CFAP157: variants seen among roughly 807,000 people sequenced by gnomAD.
CFAP157 encodes the protein cilia- and flagella-associated protein 157.
A neutral mutation model predicts 57.8 loss-of-function variants in CFAP157; 43 were observed. The ratio of observed to expected loss-of-function variants is 0.74; its 90% CI spans 0.58 to 0.96. The LOEUF is 0.96. Among genes scored for constraint, CFAP157 ranks in the 40% least tolerant of loss-of-function variants. CFAP157 has a pLI of 0.00. For synonymous variants in CFAP157, 267 were observed against 269.0 expected, an observed-to-expected ratio of 0.99 and a Z score of 0.07; for missense variants, 606 against 655.3, an observed-to-expected ratio of 0.92 and a Z score of 0.82.
intron 6 of CFAP157, 35 bp downstream of exon 6, chr9:127,712,384 A>T: frequency 6.2e-7 from 1 of 1,609,110 alleles, no homozygotes; most frequent in Non-Finnish European, 8.5e-7. Context: ...GCGCAAGGGG[A>T]GGGGGAGTGA....
Position 127,711,303 on chromosome 9 carries a change from G to T in CFAP157, c.662G>T (p.Trp221Leu), listed in dbSNP as rs763234448. Reference protein sequence around the residue: ...EFHKVTTNRMWETTKRAIKEN... With the variant: ...EFHKVTTNRMLETTKRAIKEN... ...CACAAGGTGACCACGAACCGGATGTGGGAGACAACCAAGCGGGCCATCAAA... is the reference window on the plus strand; with the variant it reads ...CACAAGGTGACCACGAACCGGATGTTGGAGACAACCAAGCGGGCCATCAAA... The change falls in exon 4 of 9, where the codon TGG becomes TTG. Residue 221 changes from tryptophan (W) to leucine (L), a missense_variant. By Grantham distance (61) the Trp-to-Leu change is moderately conservative. Transcript: ENST00000373295. 6.2e-7 allele frequency: 1 copy of T among 1,614,178 alleles called. No homozygotes were observed. The highest frequency in any genetic ancestry group is 1.1e-5 in the South Asian group (1 of 91,088).
Position 127,715,615 on chromosome 9 carries a change from C to A in CFAP157, c.*1710C>A, listed in dbSNP as rs893744917. 6.2e-7 allele frequency: 1 copy of A among 1,612,732 alleles called. No homozygotes were observed. Among genetic ancestry groups the A allele is most frequent in the African/African-American group, 1.3e-5 (1 of 74,942 alleles). ...ATGGCTCTACTCAGCCGCTGTCCGG[C>A]GCCCAAAAAGCCGCCCGGCCTCATG... On this transcript the variant is annotated 3_prime_UTR_variant, in exon 9 of 9. Transcript: ENST00000373295. This position sits in a 1 kb window ranked among gnomAD's most constrained non-coding sequence, Gnocchi z 5.8.
chr9:127,712,607 A>AG (rs1842792142), intron 6 of CFAP157, 102 bp from the exon 7 acceptor site: 2 of 1,597,522 alleles, frequency 1.3e-6, no homozygotes, highest in African/African-American at 1.3e-5. Flanking sequence ...CACCACAGAC[A>AG]GGGAAAACTT....
At chr9:127,711,524 A>G in intron 4 of CFAP157, 28 bp downstream of exon 4, 1 of 1,601,606 alleles carries the variant, frequency 6.2e-7, no homozygotes, top group Non-Finnish European at 8.5e-7. Flanking sequence ...AGCACAGGGC[A>G]TTTGGCATGC....
rs1028334576 is a variant in CFAP157, at chr9:127,711,162, C to A, written c.588-67C>A. The A allele has an allele frequency of 7.0e-6, 11 of 1,561,932 alleles. 1 individual carries two copies. The African/African-American group carries it at 8.1e-5, about 12-fold the overall frequency. On this transcript the variant is annotated intron_variant, in intron 3 of 8. Coordinates refer to ENST00000373295, the MANE Select transcript of CFAP157 (RefSeq NM_001012502.3). The stretch of plus-strand genomic sequence containing the variant: ...AGCCCTAGGTGCTCTGGGAACCTCA[C>A]AAAGGGGTGTGCCCAGGGCTTGTGC...
rs1160881201 is a variant in CFAP157, at chr9:127,711,378, T to G, written c.737T>G (p.Met246Arg). Residue 246 changes from methionine to arginine, a missense_variant, in exon 4 of 9, where the codon ATG (methionine) becomes AGG (arginine). Physicochemically the swap from Met to Arg is moderately conservative, Grantham distance 91. Transcript: ENST00000373295. ...ATGGCCAGGGTCTCCCAGCAAGGCA[T>G]GAAGCTGCTGCAGGAGAATGAGCAG... is the stretch of plus-strand genomic sequence containing the variant. ...LQMARVSQQG[M>R]KLLQENEQLK... The G allele has an allele frequency of 1.9e-6, 3 of 1,614,208 alleles. No individual in the cohort carries two copies. Among genetic ancestry groups the G allele is most frequent in the Admixed American group, 1.7e-5 (1 of 60,034 alleles).
In CFAP157 at chr9:127,707,039, C is replaced by T; in HGVS notation, c.8C>T (p.Pro3Leu). ...CCCTGGTTGCCATCAGCCATGGCTC[C>T]CAAAAAGAGTGTGAGCAAGGCAGGC... Reference protein sequence around the residue: MAPKKSVSKAGKE... With the variant: MALKKSVSKAGKE... The change falls in exon 1 of 9, where the codon CCC (proline) becomes CTC (leucine). Residue 3 changes from proline (P) to leucine (L), a missense_variant. Physicochemically the swap from Pro to Leu is moderately conservative, Grantham distance 98. Coordinates refer to ENST00000373295, the MANE Select transcript of CFAP157 (RefSeq NM_001012502.3). 6.2e-7 allele frequency: 1 copy of T among 1,613,740 alleles called. No homozygotes were observed. Among genetic ancestry groups the T allele is most frequent in the Non-Finnish European group, 8.5e-7 (1 of 1,179,924 alleles).
In CFAP157 at chr9:127,715,673, C is replaced by T. The variant is rs1272019551; in HGVS notation, c.*1768C>T. 4 of 1,601,168 alleles carry T rather than the reference C, an allele frequency of 2.5e-6. No homozygotes were observed. The highest frequency in any genetic ancestry group is 3.4e-6 in the Non-Finnish European group (4 of 1,176,352). On this transcript the variant is annotated 3_prime_UTR_variant, in exon 9 of 9. Coordinates refer to ENST00000373295, the MANE Select transcript of CFAP157 (RefSeq NM_001012502.3). The surrounding 1 kb of genome is among the most constrained non-coding windows in gnomAD (Gnocchi z 5.8). ...CATTCACTCCGACACCGCCCCCTGA[C>T]GTCATCACCCCGCAGCAGCCAATCG...
chr9:127,715,083 G>T lies in CFAP157; in HGVS notation c.*1178G>T. On this transcript the variant is annotated 3_prime_UTR_variant, in exon 9 of 9. Coordinates refer to ENST00000373295, the MANE Select transcript of CFAP157 (RefSeq NM_001012502.3). This position sits in a 1 kb window ranked among gnomAD's most constrained non-coding sequence, Gnocchi z 5.8. Reference sequence around the variant, plus strand: ...AGGGCGAGGTCGGCGGCACAGTGCCGGTCGCGCGTCCAACTCTCCGCCACA... The same window carrying T: ...AGGGCGAGGTCGGCGGCACAGTGCCTGTCGCGCGTCCAACTCTCCGCCACA... 2 of 1,531,856 alleles carry T rather than the reference G, an allele frequency of 1.3e-6. No homozygotes were observed. Among genetic ancestry groups the T allele is most frequent in the African/African-American group, 1.4e-5 (1 of 72,948 alleles). The allele number at this position is 1,531,856 out of a possible 1,614,324, so 94.9% of individuals were successfully genotyped here. A position where few individuals can be genotyped will look rare whatever the true frequency, so the allele number is the denominator to read the frequency against.
At chr9:127,712,457 C>A in intron 6 of CFAP157, 108 bp downstream of exon 6, 1 of 1,487,262 alleles carries the variant, frequency 6.7e-7, no homozygotes, top group East Asian at 2.4e-5. Flanking sequence ...CCTCTTTTCC[C>A]TGAGAGACTC....
Position 127,711,252 on chromosome 9 carries a change from G to A in CFAP157, c.611G>A (p.Arg204His), listed in dbSNP as rs778835483. ...AGACTGAGGAAAGAGATCATCCAGC[G>A]CGTGAACCTCGTGGCCAATGAGTTC... is the stretch of plus-strand genomic sequence containing the variant. The part of the protein sequence containing the change: ...KDRLRKEIIQ[R>H]VNLVANEFHK... The change falls in exon 4 of 9, where the codon CGC (arginine) becomes CAC (histidine). Residue 204 changes from arginine to histidine, a missense_variant. Coordinates refer to ENST00000373295, the MANE Select transcript of CFAP157 (RefSeq NM_001012502.3). 52 of 1,613,980 alleles carry A rather than the reference G, an allele frequency of 3.2e-5. No individual in the cohort carries two copies. Among genetic ancestry groups the A allele is most frequent in the Admixed American group, 8.3e-5 (5 of 60,000 alleles).
Position 127,707,105 on chromosome 9 carries a change from C to T in CFAP157, c.74C>T (p.Pro25Leu), listed in dbSNP as rs138657238. ...EVKKKGGKKE[P>L]VVAVEPPLAK... ...AAGAAGAAAGGGGGCAAGAAGGAGC[C>T]GGTGGTGGCCGTGGAGCCGCCTCTG... Residue 25 changes from proline to leucine, a missense_variant, in exon 1 of 9, where the codon CCG becomes CTG. Transcript: ENST00000373295. 7.3e-4 allele frequency: 1,179 copies of T among 1,613,816 alleles called. 11 individuals are homozygous for T. The African/African-American group carries it at 0.013, about 18-fold the overall frequency.
At chr9:127,712,657 G>A (rs745605379) in intron 6 of CFAP157, 52 bp from the exon 7 acceptor site, 1 of 1,613,654 alleles carries the variant, frequency 6.2e-7, no homozygotes, top group Non-Finnish European at 8.5e-7. Context: ...CCTGGACGAG[G>A]GTGGGTACTG....
At chr9:127,713,402 G>A (rs572689343) in intron 8 of CFAP157, 196 bp downstream of exon 8, 6 of 513,242 alleles carry the variant, frequency 1.2e-5, no homozygotes, top group East Asian at 6.4e-5. Context: ...TGCCCTGGGA[G>A]GGGGGTTGGC....
chr9:127,715,639 T>TGCTGCCCCCATTCACTCCGAC lies in CFAP157; in HGVS notation c.*1735_*1755dup, dbSNP rs905944516. ...GCGCCCAAAAAGCCGCCCGGCCTCATGCTGCCCCCATTCACTCCGACACCG... is the reference window on the plus strand; with the variant it reads ...GCGCCCAAAAAGCCGCCCGGCCTCATGCTGCCCCCATTCACTCCGACGCTGCCCCCATTCACTCCGACACCG... On this transcript the variant is annotated 3_prime_UTR_variant, in exon 9 of 9. Coordinates refer to ENST00000373295, the MANE Select transcript of CFAP157 (RefSeq NM_001012502.3). This position sits in a 1 kb window ranked among gnomAD's most constrained non-coding sequence, Gnocchi z 5.8. 23 of 1,611,594 alleles carry TGCTGCCCCCATTCACTCCGAC rather than the reference T, an allele frequency of 1.4e-5. No individual in the cohort carries two copies. Among genetic ancestry groups the TGCTGCCCCCATTCACTCCGAC allele is most frequent in the Non-Finnish European group, 1.9e-5 (23 of 1,179,758 alleles).
chr9:127,713,256 G>C, intron 8 of CFAP157, 50 bp downstream of exon 8: 1 of 1,386,806 alleles, frequency 7.2e-7, no homozygotes, highest in Non-Finnish European at 9.8e-7. Flanking sequence ...CTAGTCCTGG[G>C]TACAAACTGA....
intron 5 of CFAP157, 57 bp downstream of exon 5, chr9:127,712,007 C>T: frequency 6.4e-7 from 1 of 1,559,648 alleles, no homozygotes; most frequent in East Asian, 2.3e-5. Context: ...CAAGCTCTGG[C>T]CCAGCTCTTT....
chr9:127,712,843 G>C lies in CFAP157; in HGVS notation c.1272G>C (p.Gln424His). The C allele has an allele frequency of 1.2e-6, 2 of 1,613,364 alleles. No individual in the cohort carries two copies. The highest frequency in any genetic ancestry group is 1.7e-6 in the Non-Finnish European group (2 of 1,179,628). The change falls in exon 7 of 9, where the codon CAG becomes CAC. Residue 424 changes from glutamine (Q) to histidine (H), a missense_variant. By Grantham distance (24) the Gln-to-His change is conservative. Transcript: ENST00000373295. Reference protein sequence around the residue: ...TRPQKAACPHQESQSHGPPKE... With the variant: ...TRPQKAACPHHESQSHGPPKE... ...CTCAGAAGGCTGCGTGTCCCCACCAGGAGTCACAGTCCCATGGCCCACCCA... is the reference window on the plus strand; with the variant it reads ...CTCAGAAGGCTGCGTGTCCCCACCACGAGTCACAGTCCCATGGCCCACCCA...
chr9:127,713,492 CTTTCTTT>C, intron 8 of CFAP157: 1 of 232,936 alleles, frequency 4.3e-6, no homozygotes, highest in Non-Finnish European at 7.9e-6. Context: ...AAGCCAGCAT[CTTTCTTT>C]TTTTTTTTTT....
Sources: gnomAD v4.1 joint callset for allele counts on GRCh38, gnomAD v4.1.1 for gene constraint, Gnocchi (gnomAD v3.1) non-coding constraint, MANE v1.5 for transcripts, NCBI Gene and HGNC (gene_info 2026-07-23, HGNC 2026-07-21) for gene names.